The following BCAR3 variants were observed in gnomAD, a reference collection of about 807,000 sequenced individuals.
BCAR3 encodes the protein breast cancer anti-estrogen resistance protein 3.
Under a neutral mutation model 80.1 loss-of-function variants are expected in BCAR3, and 37 were observed. That is an observed-to-expected ratio of 0.46 (90% CI 0.36 to 0.61). The LOEUF (loss-of-function observed/expected upper bound fraction) is 0.61, where lower values mean the gene tolerates loss of function less well. Among genes scored for constraint, BCAR3 ranks in the 20% least tolerant of loss-of-function variants. BCAR3 has a pLI of 0.00. For synonymous variants in BCAR3, 389 were observed against 418.9 expected (o/e 0.93, Z 0.87); for missense variants, 978 against 1,068.2 (o/e 0.92, Z 1.18).
At chr1:93,847,423 A>C (rs1171303047), upstream of BCAR3, 2 of 152,386 alleles carry the variant, frequency 1.3e-5, no homozygotes, top group East Asian at 3.9e-4. Flanking sequence ...GGGGAGACCG[A>C]GAGCCTGCGG....
At chr1:93,830,817 TGAG>T (rs1420634141) in intron 2 of BCAR3, among the ~76,000 whole-genome samples, 1 of 152,100 alleles carries the variant, frequency 6.6e-6, no homozygotes, top group Admixed American at 6.5e-5. Context: ...CCTCACTCTG[TGAG>T]GAGATCCACC....
At chr1:93,776,098 T>C (rs1652535881) in intron 2 of BCAR3, among the ~76,000 whole-genome samples, 1 of 152,180 alleles carries the variant, frequency 6.6e-6, no homozygotes, top group African/African-American at 2.4e-5. Flanking sequence ...CTCAATTTCC[T>C]AGGAAAGTAT....
At chr1:93,773,156 C>T (rs184650485) in intron 2 of BCAR3, among the ~76,000 whole-genome samples, 5 of 152,186 alleles carry the variant, frequency 3.3e-5, no homozygotes, top group African/African-American at 7.2e-5. Context: ...GAGGACCCTA[C>T]GTCCCTTTCT....
intron 5 of BCAR3, among the ~76,000 whole-genome samples, chr1:93,587,325 C>G (rs1367177724): frequency 6.6e-6 from 1 of 152,178 alleles, no homozygotes; most frequent in Non-Finnish European, 1.5e-5. Flanking sequence ...TGTGCTGGGT[C>G]TGAGTCTGAC....
chr1:93,656,251 CCTTT>C (rs1441791684), intron 2 of BCAR3, among the ~76,000 whole-genome samples: 2 of 151,310 alleles, frequency 1.3e-5, no homozygotes, highest in Non-Finnish European at 3.0e-5. Flanking sequence ...ATTGCTTTTT[CCTTT>C]CTCTCAATTT....
At chr1:93,842,910 G>A (rs1655008860) in intron 2 of BCAR3, among the ~76,000 whole-genome samples, 1 of 152,096 alleles carries the variant, frequency 6.6e-6, no homozygotes, top group Admixed American at 6.5e-5. Flanking sequence ...CACCTAATGT[G>A]GTTTGGCTAT....
At chr1:93,770,388 G>GA (rs1652317254) in intron 2 of BCAR3, among the ~76,000 whole-genome samples, 1 of 152,088 alleles carries the variant, frequency 6.6e-6, no homozygotes. Context: ...AAACTTGAAT[G>GA]ATTGCTAAAA....
At chr1:93,639,746 G>A (rs926846299) in intron 3 of BCAR3, among the ~76,000 whole-genome samples, 16 of 152,016 alleles carry the variant, frequency 1.1e-4, no homozygotes, top group Non-Finnish European at 2.1e-4. Flanking sequence ...CAAAGTGCTG[G>A]GATTACAGGT....
At chr1:93,779,064 G>A (rs1433317095) in intron 2 of BCAR3, among the ~76,000 whole-genome samples, 1 of 152,166 alleles carries the variant, frequency 6.6e-6, no homozygotes, top group South Asian at 2.1e-4. Context: ...GATGGGAGGA[G>A]GAGTGGTGAA....
chr1:93,603,962 G>C (rs1674699678), intron 3 of BCAR3, among the ~76,000 whole-genome samples: 1 of 152,202 alleles, frequency 6.6e-6, no homozygotes, highest in South Asian at 2.1e-4. Context: ...TTAGCATTCT[G>C]AAACACTTCA....
At chr1:93,818,038 C>T (rs1411781798) in intron 2 of BCAR3, among the ~76,000 whole-genome samples, 1 of 152,202 alleles carries the variant, frequency 6.6e-6, no homozygotes, top group Non-Finnish European at 1.5e-5. Flanking sequence ...GTTCCCAGGG[C>T]CCCTGGTTTG....
At chr1:93,755,708 C>T (rs1015763925) in intron 2 of BCAR3, among the ~76,000 whole-genome samples, 4 of 152,098 alleles carry the variant, frequency 2.6e-5, no homozygotes, top group Non-Finnish European at 5.9e-5. Flanking sequence ...GTATCCCCAT[C>T]ATTAAGCTAC....
At chr1:93,773,331 AT>A (rs1281940802) in intron 2 of BCAR3, among the ~76,000 whole-genome samples, 1 of 152,228 alleles carries the variant, frequency 6.6e-6, no homozygotes, top group African/African-American at 2.4e-5. Flanking sequence ...TGAAAAAAAA[AT>A]CTTACAAGCT....
At chr1:93,716,242 A>G (rs1226147693) in intron 2 of BCAR3, among the ~76,000 whole-genome samples, 17 of 152,248 alleles carry the variant, frequency 1.1e-4, no homozygotes. Context: ...CACCATGTGT[A>G]TGTATTACTT....
chr1:93,821,257 A>G (rs1245482236), intron 2 of BCAR3, among the ~76,000 whole-genome samples: 1 of 152,116 alleles, frequency 6.6e-6, no homozygotes, highest in Non-Finnish European at 1.5e-5. Context: ...ATTCCATTGA[A>G]GTTCAGAGAT....
At chr1:93,621,771 A>G (rs1675322758) in intron 3 of BCAR3, among the ~76,000 whole-genome samples, 1 of 152,172 alleles carries the variant, frequency 6.6e-6, no homozygotes. Context: ...CTCACCACAG[A>G]CTTCAGAGAT....
In BCAR3 at chr1:93,601,783, A is replaced by C. The variant is rs980186110; in HGVS notation, c.358-9390T>G. On this transcript the variant is annotated intron_variant, in intron 3 of 11. Coordinates refer to ENST00000260502, the MANE Select transcript of BCAR3 (RefSeq NM_003567.4). ...GAAGAAGGAGGGAATGTGTGCATAA[A>C]AAGAGGAGGTGGGGAGGAGAAGGGA... Among the ~76,000 whole-genome samples the C allele has an allele frequency of 3.9e-5, 6 of 152,218 alleles. 1 individual carries two copies. The highest frequency in any genetic ancestry group is 3.3e-4 in the Admixed American group (5 of 15,278).
At chr1:93,689,661 T>C (rs1649102658) in intron 3 of BCAR3, among the ~76,000 whole-genome samples, 1 of 152,032 alleles carries the variant, frequency 6.6e-6, no homozygotes. Context: ...AACAAATGTA[T>C]GTAAAACCTA....
intron 7 of BCAR3, among the ~76,000 whole-genome samples, chr1:93,579,880 C>G (rs977681441): frequency 6.6e-6 from 1 of 152,248 alleles, no homozygotes; most frequent in Non-Finnish European, 1.5e-5. Flanking sequence ...CTGACTAGAA[C>G]AGAAATCCTC....
Sources: gnomAD v4.1 joint callset for allele counts (sites outside exome capture counted in the v4.1 genomes callset) on GRCh38, gnomAD v4.1.1 for gene constraint, MANE v1.5 for transcripts, NCBI Gene and HGNC (gene_info 2026-07-23, HGNC 2026-07-21) for gene names.